Variants in GRM8 observed in about 807,000 individuals in gnomAD.
GRM8 encodes the protein glutamate metabotropic receptor 8, also known as metabotropic glutamate receptor 8.
In GRM8, 47 loss-of-function variants were observed where a neutral mutation model predicts 87.2. The ratio of observed to expected loss-of-function variants is 0.54; its 90% CI spans 0.43 to 0.69. GRM8 has a LOEUF of 0.69. GRM8 is among the 30% of genes least tolerant of loss of function. The probability of loss-of-function intolerance (pLI) is 0.00; values close to 1 mark genes in which losing one functional copy is unlikely to be tolerated. For synonymous variants in GRM8, 396 were observed against 404.5 expected (o/e 0.98, Z 0.25); for missense variants, 1,019 against 1,139.2 (o/e 0.89, Z 1.52).
At chr7:126,877,743 C>G (rs1386557140) in intron 6 of GRM8, among the ~76,000 whole-genome samples, 5 of 152,168 alleles carry the variant, frequency 3.3e-5, no homozygotes, top group African/African-American at 1.2e-4. Context: ...CCTATGAACT[C>G]TCAAAGTTGT....
intron 6 of GRM8, among the ~76,000 whole-genome samples, chr7:126,789,235 C>CA (rs200697092): frequency 0.013 from 1,916 of 148,088 alleles, 18 homozygotes; most frequent in African/African-American, 0.019. Context: ...AAAGACTAAC[C>CA]AAAAAAAAAC....
intron 7 of GRM8, among the ~76,000 whole-genome samples, chr7:126,730,868 G>C (rs1813507442): frequency 6.6e-6 from 1 of 151,904 alleles, no homozygotes; most frequent in Admixed American, 6.6e-5. Context: ...CTACATTTAG[G>C]GATAATAGTT....
chr7:126,487,298 G>A (rs539965486), intron 9 of GRM8, among the ~76,000 whole-genome samples: 46 of 151,716 alleles, frequency 3.0e-4, no homozygotes, highest in African/African-American at 1.1e-3. Context: ...AAATTGAGAC[G>A]TATTTTAATT....
chr7:126,442,552 T>A (rs1801587080), intron 10 of GRM8, among the ~76,000 whole-genome samples: 1 of 151,970 alleles, frequency 6.6e-6, no homozygotes. Flanking sequence ...CTAAAATGTA[T>A]GAAATAGTTA....
intron 2 of GRM8, among the ~76,000 whole-genome samples, chr7:127,212,693 A>G (rs1175787959): frequency 1.3e-5 from 2 of 152,120 alleles, no homozygotes; most frequent in Non-Finnish European, 2.9e-5. Context: ...CTGGGATTAC[A>G]GGCGTGAGCC....
intron 7 of GRM8, among the ~76,000 whole-genome samples, chr7:126,611,093 T>C (rs1212685524): frequency 1.3e-5 from 2 of 152,208 alleles, no homozygotes; most frequent in Admixed American, 1.3e-4. Context: ...TTATTATTAA[T>C]TCACATGAGA....
chr7:127,150,977 T>C (rs986980783), intron 2 of GRM8, among the ~76,000 whole-genome samples: 3 of 152,054 alleles, frequency 2.0e-5, no homozygotes, highest in Admixed American at 6.6e-5. Context: ...TTTTTTGCAG[T>C]TTGTACCCAT....
intron 3 of GRM8, among the ~76,000 whole-genome samples, chr7:127,009,507 C>T (rs1814660923): frequency 6.6e-6 from 1 of 152,068 alleles, no homozygotes; most frequent in African/African-American, 2.4e-5. Context: ...AGTGGTACCT[C>T]ATAGAAAACC....
intron 3 of GRM8, among the ~76,000 whole-genome samples, chr7:126,942,997 T>C (rs1791902399): frequency 1.3e-5 from 2 of 152,202 alleles, no homozygotes; most frequent in Admixed American, 1.3e-4. Context: ...TTGGGGATCT[T>C]ATTAGAATAC....
At chr7:126,489,196 C>A (rs519) in intron 9 of GRM8, among the ~76,000 whole-genome samples, 2 of 151,954 alleles carry the variant, frequency 1.3e-5, no homozygotes, top group Non-Finnish European at 2.9e-5. Context: ...TGCTTATCCC[C>A]GTTCTGATAT....
intron 6 of GRM8, among the ~76,000 whole-genome samples, chr7:126,857,228 C>T (rs1458177964): frequency 1.3e-5 from 2 of 152,134 alleles, no homozygotes; most frequent in Admixed American, 1.3e-4. Flanking sequence ...TTATTAATGC[C>T]TAGAGGAGTC....
intron 9 of GRM8, among the ~76,000 whole-genome samples, chr7:126,508,800 T>C (rs1004822527): frequency 6.6e-6 from 1 of 152,022 alleles, no homozygotes; most frequent in Non-Finnish European, 1.5e-5. Flanking sequence ...ATGAATGACG[T>C]ATATAAGGAA....
chr7:126,667,505 T>C (rs1005645053), intron 7 of GRM8, among the ~76,000 whole-genome samples: 13 of 152,222 alleles, frequency 8.5e-5, no homozygotes, highest in African/African-American at 2.4e-4. Context: ...AATAATTTTG[T>C]AATTGATCAA....
chr7:126,793,457 C>A (rs1415345468), intron 6 of GRM8, among the ~76,000 whole-genome samples: 1 of 152,142 alleles, frequency 6.6e-6, no homozygotes, highest in Non-Finnish European at 1.5e-5. Context: ...CATGATTACT[C>A]CTGCCCTGCA....
chr7:126,565,380 A>G (rs1246591855), intron 8 of GRM8, among the ~76,000 whole-genome samples: 1 of 152,172 alleles, frequency 6.6e-6, no homozygotes, highest in Non-Finnish European at 1.5e-5. Flanking sequence ...TCAACATAAA[A>G]ATCAATTGTA....
chr7:126,641,442 T>C (rs1259939941), intron 7 of GRM8, among the ~76,000 whole-genome samples: 1 of 152,142 alleles, frequency 6.6e-6, no homozygotes, highest in Non-Finnish European at 1.5e-5. Flanking sequence ...CAAATACTAT[T>C]AATCAAAATA....
intron 1 of GRM8, among the ~76,000 whole-genome samples, chr7:127,244,601 T>C (rs983693726): frequency 2.6e-5 from 4 of 152,212 alleles, no homozygotes; most frequent in African/African-American, 9.6e-5. Context: ...ATTTCTAACC[T>C]ATTTATATAT....
At chr7:126,715,584 C>T (rs1811641350) in intron 7 of GRM8, among the ~76,000 whole-genome samples, 1 of 152,028 alleles carries the variant, frequency 6.6e-6, no homozygotes, top group Non-Finnish European at 1.5e-5. Flanking sequence ...TACTTCTAAG[C>T]TACATAATTT....
intron 7 of GRM8, among the ~76,000 whole-genome samples, chr7:126,704,283 T>A (rs1409019379): frequency 1.3e-5 from 2 of 152,170 alleles, no homozygotes; most frequent in South Asian, 4.1e-4. Context: ...ACTTATCACT[T>A]CCCCAATCAA....
Sources: allele counts gnomAD v4.1 joint callset (sites outside exome capture counted in the v4.1 genomes callset), GRCh38; gene constraint gnomAD v4.1.1; transcripts MANE v1.5; gene names NCBI Gene and HGNC (gene_info 2026-07-23, HGNC 2026-07-21).